The following EPHB2 variants were observed in gnomAD, a reference collection of about 807,000 sequenced individuals.
The protein encoded by EPHB2 is ephrin type-B receptor 2.
Under a neutral mutation model 96.4 loss-of-function variants are expected in EPHB2, and 18 were observed. That is an observed-to-expected ratio of 0.19 (90% confidence interval 0.13 to 0.28). The LOEUF (loss-of-function observed/expected upper bound fraction) is 0.28, where lower values mean the gene tolerates loss of function less well. Among genes scored for constraint, EPHB2 ranks in the 10% least tolerant of loss-of-function variants. The pLI, the probability that EPHB2 is intolerant of heterozygous loss-of-function variation, is 1.00. For synonymous variants in EPHB2, 506 were observed against 534.1 expected (o/e 0.95, Z 0.72); for missense variants, 989 against 1,355.4 (o/e 0.73, Z 4.25).
rs751729316 is a variant in EPHB2 at position 22,785,016 on chromosome 1, A to T, written c.751A>T (p.Ile251Phe). The change falls in exon 3 of 16, where the codon ATC (isoleucine) becomes TTC (phenylalanine). Residue 251 changes from isoleucine to phenylalanine, a missense_variant. Ile to Phe is a conservative substitution (Grantham distance 21). Transcript: ENST00000374630. ...CNGDGEWLVPIGRCMCKAGFE... is the reference protein window; with the variant it reads ...CNGDGEWLVPFGRCMCKAGFE... ...CGGGGACGGCGAGTGGCTGGTGCCC[A>T]TCGGGCGCTGCATGTGCAAAGCAGG... is the stretch of plus-strand genomic sequence containing the variant. 1 of 1,613,506 alleles carries T rather than the reference A, an allele frequency of 6.2e-7. No homozygotes were observed. Among genetic ancestry groups the T allele is most frequent in the Non-Finnish European group, 8.5e-7 (1 of 1,180,056 alleles).
At chr1:22,837,234 A>T (rs974923314) in intron 3 of EPHB2, among the ~76,000 whole-genome samples, 1 of 152,210 alleles carries the variant, frequency 6.6e-6, no homozygotes, top group South Asian at 2.1e-4. Context: ...GAAGGGGGGA[A>T]GCCATTCTCC....
At chr1:22,753,802 T>A (rs1192913834) in intron 1 of EPHB2, among the ~76,000 whole-genome samples, 2 of 151,920 alleles carry the variant, frequency 1.3e-5, no homozygotes, top group African/African-American at 4.8e-5. Context: ...CATCCCAGTA[T>A]TTATCTAAAC....
chr1:22,727,796 C>CAA (rs369225615), intron 1 of EPHB2, among the ~76,000 whole-genome samples: 5 of 74,282 alleles, frequency 6.7e-5, no homozygotes, highest in Non-Finnish European at 1.6e-4. Context: ...AAAAAAAAAA[C>CAA]AAAAAAAAAA....
chr1:22,745,852 T>G (rs1334221427), intron 1 of EPHB2, among the ~76,000 whole-genome samples: 2 of 152,136 alleles, frequency 1.3e-5, no homozygotes, highest in Admixed American at 1.3e-4. Context: ...CAGATGTGGC[T>G]GGTGTGCCTA....
chr1:22,905,759 G>A (rs141497304), intron 9 of EPHB2, among the ~76,000 whole-genome samples: 1 of 152,292 alleles, frequency 6.6e-6, no homozygotes, highest in Non-Finnish European at 1.5e-5. Context: ...CAAGAGCTAA[G>A]ACCTATCTGC....
chr1:22,782,499 C>G (rs989476318), intron 2 of EPHB2, among the ~76,000 whole-genome samples: 3 of 151,106 alleles, frequency 2.0e-5, no homozygotes, highest in Non-Finnish European at 4.4e-5. Flanking sequence ...AGGCAGGGCC[C>G]CAGGGTCAGG....
chr1:22,737,807 T>C (rs1458573215), intron 1 of EPHB2, among the ~76,000 whole-genome samples: 1 of 152,182 alleles, frequency 6.6e-6, no homozygotes, highest in African/African-American at 2.4e-5. Flanking sequence ...ATGAATACAT[T>C]GTCTGCCCAT....
At chr1:22,881,927 C>T (rs956703862) in intron 5 of EPHB2, among the ~76,000 whole-genome samples, 2 of 152,218 alleles carry the variant, frequency 1.3e-5, no homozygotes, top group African/African-American at 4.8e-5. Flanking sequence ...CCTTCTAGCA[C>T]TGCACACAGC....
At chr1:22,912,365 C>T (rs889640552) in intron 14 of EPHB2, 79 bp from the exon 15 acceptor site, 40 of 1,587,730 alleles carry the variant, frequency 2.5e-5, no homozygotes, top group South Asian at 3.3e-5. Flanking sequence ...TTCACGCATA[C>T]GCAGCCTACA....
At chr1:22,766,517 A>G (rs1266728239) in intron 1 of EPHB2, among the ~76,000 whole-genome samples, 1 of 152,218 alleles carries the variant, frequency 6.6e-6, no homozygotes, top group Non-Finnish European at 1.5e-5. Context: ...TGACTGTGCC[A>G]GGCCTTGTGC....
chr1:22,782,345 G>T (rs1644544933), intron 2 of EPHB2, among the ~76,000 whole-genome samples: 1 of 152,156 alleles, frequency 6.6e-6, no homozygotes, highest in South Asian at 2.1e-4. Flanking sequence ...TTGTCATGAA[G>T]TTGAATATTC....
chr1:22,912,677 G>A, intron 15 of EPHB2, 78 bp downstream of exon 15: 1 of 1,594,756 alleles, frequency 6.3e-7, no homozygotes. Flanking sequence ...GGGTGATCTG[G>A]AGGGTGAGGA....
intron 5 of EPHB2, among the ~76,000 whole-genome samples, chr1:22,880,836 A>G (rs1639016674): frequency 6.6e-6 from 1 of 152,220 alleles, no homozygotes; most frequent in East Asian, 1.9e-4. Context: ...TCCATGTGAG[A>G]AGGAGGCAAA....
At chr1:22,879,079 C>A (rs1352375454) in intron 5 of EPHB2, among the ~76,000 whole-genome samples, 1 of 152,220 alleles carries the variant, frequency 6.6e-6, no homozygotes. Flanking sequence ...CTTACCCAGC[C>A]TCTCACCCCA....
chr1:22,868,397 G>C (rs1638554227), intron 5 of EPHB2, among the ~76,000 whole-genome samples: 1 of 152,154 alleles, frequency 6.6e-6, no homozygotes, highest in Non-Finnish European at 1.5e-5. Context: ...CAGTGTATGA[G>C]TCAGCTACTC....
intron 1 of EPHB2, among the ~76,000 whole-genome samples, chr1:22,758,011 C>T (rs952328635): frequency 1.6e-4 from 23 of 147,060 alleles, no homozygotes; most frequent in African/African-American, 2.0e-4. Context: ...CTCCGCCTCC[C>T]GGGTTCACGC....
chr1:22,910,836 A>T (rs1640074900), intron 14 of EPHB2, among the ~76,000 whole-genome samples: 1 of 152,218 alleles, frequency 6.6e-6, no homozygotes, highest in Non-Finnish European at 1.5e-5. Context: ...GAGGACAATG[A>T]AGAAAAATTA....
rs181321932 is a variant in EPHB2 at position 22,771,504 on chromosome 1, G to A, written c.62-9917G>A. 2.0e-4 allele frequency among the ~76,000 whole-genome samples: 30 copies of A among 152,294 alleles called. No individual in the cohort carries two copies. The East Asian group carries it at 5.4e-3, about 27-fold the overall frequency. On this transcript the variant is annotated intron_variant, in intron 1 of 15. Transcript: ENST00000374630. ...CTTAGAACCACTCAGAAGGGGTGCA[G>A]CTATAAGCAACTGGGGTTCCCAGGC...
chr1:22,796,763 C>T lies in EPHB2; in HGVS notation c.811+11687C>T, dbSNP rs939566018. Among the ~76,000 whole-genome samples the T allele has an allele frequency of 3.3e-5, 5 of 152,338 alleles. No homozygotes were observed. The East Asian group carries it at 7.7e-4, about 24-fold the overall frequency. On this transcript the variant is annotated intron_variant, in intron 3 of 15. Coordinates refer to ENST00000374630, the MANE Select transcript of EPHB2 (RefSeq NM_017449.5). Reference sequence around the variant, plus strand: ...AATACCCGGAGGAGGCAGGCACAGGCTCTTATCAATTGGGTGCTCACTCTG... The same window carrying T: ...AATACCCGGAGGAGGCAGGCACAGGTTCTTATCAATTGGGTGCTCACTCTG...
Sources: gnomAD v4.1 joint callset for allele counts (sites outside exome capture counted in the v4.1 genomes callset) on GRCh38, gnomAD v4.1.1 for gene constraint, MANE v1.5 for transcripts, NCBI Gene and HGNC (gene_info 2026-07-23, HGNC 2026-07-21) for gene names.